The following EPHA10 variants were observed in gnomAD, a reference collection of about 807,000 sequenced individuals.
EPHA10 encodes the protein EPH receptor A10, also known as ephrin type-A receptor 10.
EPHA10 carries 120 observed loss-of-function variants against 109.7 expected under a neutral mutation model. The observed-to-expected ratio is 1.09, with a 90% CI of 0.94 to 1.27. The LOEUF is 1.27. Ranked by LOEUF, EPHA10 falls within the 50% of genes most tolerant of loss-of-function variation. The pLI, the probability that EPHA10 is intolerant of heterozygous loss-of-function variation, is 0.00. For missense variants in EPHA10, 1,396 were observed against 1,411.1 expected, an observed-to-expected ratio of 0.99 and a Z score of 0.17; for synonymous variants, 640 against 618.9, an observed-to-expected ratio of 1.03 and a Z score of -0.51.
chr1:37,740,971 G>A (rs908175797), intron 5 of EPHA10, among the ~76,000 whole-genome samples: 7 of 152,174 alleles, frequency 4.6e-5, no homozygotes, highest in African/African-American at 1.7e-4. Flanking sequence ...AGAGAAGCTT[G>A]ACAAGGAGGA....
At chr1:37,759,795 T>TA (rs34020481) in intron 3 of EPHA10, among the ~76,000 whole-genome samples, 77,376 of 146,410 alleles carry the variant, frequency 0.53, 19,800 homozygotes, top group South Asian at 0.63. Flanking sequence ...CCCCCATTTC[T>TA]AAAAAAAAAA....
At position 37,727,189 on chromosome 1, in the gene EPHA10, T is replaced by C; in HGVS notation, c.1685A>G (p.Gln562Arg). The change falls in exon 8 of 17, where the codon CAG becomes CGG. Residue 562 changes from glutamine to arginine, a missense_variant. By Grantham distance (43) the Gln-to-Arg change is conservative. Coordinates refer to ENST00000373048, the MANE Select transcript of EPHA10 (RefSeq NM_001099439.2). ...TACGGTGACGACAATGGCGGGGCTC[T>C]GGTCCCTGGACCCTGAGGCAGCTGG... ...LGEAASGSRD[Q>R]SPAIVVTVVT... 1 of 1,610,536 alleles carries C rather than the reference T, an allele frequency of 6.2e-7. No individual in the cohort carries two copies. The highest frequency in any genetic ancestry group is 8.5e-7 in the Non-Finnish European group (1 of 1,178,036).
In EPHA10 at chr1:37,735,708, T is replaced by C. The variant is rs149600009; in HGVS notation, c.1358-318A>G. On this transcript the variant is annotated intron_variant, in intron 5 of 16. Transcript: ENST00000373048. ...CTTCTCTCATGGTGGTCGGCTCTAA[T>C]CCTCCAGGCTCTTTCTATACTTGCT... is the stretch of plus-strand genomic sequence containing the variant. 6.0e-3 allele frequency among the ~76,000 whole-genome samples: 913 copies of C among 152,076 alleles called. 9 individuals carry two copies. The highest frequency in any genetic ancestry group is 0.021 in the African/African-American group (856 of 41,486).
chr1:37,741,390 A>C (rs1452953388), intron 5 of EPHA10, among the ~76,000 whole-genome samples: 1 of 152,226 alleles, frequency 6.6e-6, no homozygotes, highest in African/African-American at 2.4e-5. Flanking sequence ...TAATAAAGCA[A>C]GAAAGTGGAA....
rs866553187 is a variant in EPHA10 at position 37,716,728 on chromosome 1, G to C, written c.*1644C>G. 4.3e-6 allele frequency: 1 copy of C among 232,960 alleles called. No individual in the cohort carries two copies. Among genetic ancestry groups the C allele is most frequent in the Non-Finnish European group, 8.5e-6 (1 of 117,936 alleles). The allele number at this position is 232,960 out of a possible 1,614,324, so 14.4% of individuals were successfully genotyped here. A position where few individuals can be genotyped will look rare whatever the true frequency, so the allele number is the denominator to read the frequency against. On this transcript the variant is annotated 3_prime_UTR_variant, in exon 17 of 17. Transcript: ENST00000373048. ...CTCTCTGCATGGACTCCTTTTGTCC[G>C]AGGCCTGCCATCTTGCCTGCCGAAA...
intron 6 of EPHA10, 21 bp downstream of exon 6, chr1:37,735,236 C>G (rs1316348434): frequency 6.4e-7 from 1 of 1,562,520 alleles, no homozygotes; most frequent in African/African-American, 1.4e-5. Flanking sequence ...GGCTCCAGGT[C>G]CCTCCCAGAC....
chr1:37,755,000 A>G lies in EPHA10; in HGVS notation c.851-630T>C, dbSNP rs1646381455. ...TTTTTAGTAGAGATGGAGTTTCACC[A>G]TGCTGACCAGGCTGGTCTCGAACTC... On this transcript the variant is annotated intron_variant, in intron 3 of 16. Transcript: ENST00000373048. The surrounding 1 kb of genome is among the most constrained non-coding windows in gnomAD (Gnocchi z 4.5). 6.6e-6 allele frequency among the ~76,000 whole-genome samples: 1 copy of G among 151,996 alleles called. No individual in the cohort carries two copies. The highest frequency in any genetic ancestry group is 1.5e-5 in the Non-Finnish European group (1 of 67,988).
chr1:37,723,702 G>A (rs572222525), intron 8 of EPHA10, among the ~76,000 whole-genome samples: 81 of 152,344 alleles, frequency 5.3e-4, no homozygotes, highest in Non-Finnish European at 1.3e-4. Context: ...TTGTGAAAGT[G>A]TGAATAAGGC....
intron 5 of EPHA10, among the ~76,000 whole-genome samples, chr1:37,745,057 TAAG>T (rs1646209932): frequency 6.6e-6 from 1 of 152,050 alleles, no homozygotes; most frequent in Admixed American, 6.6e-5. Context: ...CCAGGAAACA[TAAG>T]AAGCTGAAAG....
rs565101630 is a variant in EPHA10 at position 37,764,808 on chromosome 1, T to G, written c.106+153A>C. On this transcript the variant is annotated intron_variant, in intron 1 of 16. Transcript: ENST00000373048. The surrounding 1 kb of genome is among the most constrained non-coding windows in gnomAD (Gnocchi z 5.8). ...CTCTTCGCTACTGCTTGATCACATTTTTCTCTGTCTCTCCAGTTCTTTGCT... is the reference window on the plus strand; with the variant it reads ...CTCTTCGCTACTGCTTGATCACATTGTTCTCTGTCTCTCCAGTTCTTTGCT... Among the ~76,000 whole-genome samples, 4 of 152,016 alleles carry G rather than the reference T, an allele frequency of 2.6e-5. No individual in the cohort carries two copies. The East Asian group carries it at 7.8e-4, about 30-fold the overall frequency.
downstream of EPHA10, chr1:37,715,892 C>A (rs761165909): frequency 7.1e-6 from 4 of 561,392 alleles, no homozygotes; most frequent in Non-Finnish European, 1.4e-5. Flanking sequence ...ATTCTGGACA[C>A]CCCTGTCCTC....
At chr1:37,744,940 T>C (rs1646208218) in intron 5 of EPHA10, among the ~76,000 whole-genome samples, 1 of 152,118 alleles carries the variant, frequency 6.6e-6, no homozygotes. Flanking sequence ...AAGAAGAATT[T>C]GAACACAGAG....
chr1:37,721,626 G>A (rs778004922), intron 11 of EPHA10, 34 bp downstream of exon 11: 2 of 1,574,418 alleles, frequency 1.3e-6, no homozygotes, highest in Non-Finnish European at 1.7e-6. Context: ...CATACCCGTG[G>A]GCTGGGCAGC....
rs150891753 is a variant in EPHA10 at position 37,725,964 on chromosome 1, C to G, written c.1772+1138G>C. Among the ~76,000 whole-genome samples, 68 of 152,326 alleles carry G rather than the reference C, an allele frequency of 4.5e-4. No individual in the cohort carries two copies. The Middle Eastern group carries it at 0.01, about 23-fold the overall frequency. Reference sequence around the variant, plus strand: ...TGCTGGAGGAGAACACCTCTCTACCCCTCCACACTAGACTGGGCTCACTCT... The same window carrying G: ...TGCTGGAGGAGAACACCTCTCTACCGCTCCACACTAGACTGGGCTCACTCT... On this transcript the variant is annotated intron_variant, in intron 8 of 16. Transcript: ENST00000373048.
chr1:37,724,440 G>A (rs1016093637), intron 8 of EPHA10, among the ~76,000 whole-genome samples: 1 of 152,218 alleles, frequency 6.6e-6, no homozygotes, highest in Non-Finnish European at 1.5e-5. Context: ...CATGGCCCAG[G>A]GAGAGGATGG....
At chr1:37,751,062 G>C (rs972080785) in intron 5 of EPHA10, among the ~76,000 whole-genome samples, 1 of 151,584 alleles carries the variant, frequency 6.6e-6, no homozygotes, top group African/African-American at 2.4e-5. Flanking sequence ...AAAATTAGCC[G>C]GGTGTGGCTG....
intron 10 of EPHA10, 85 bp from the exon 11 acceptor site, chr1:37,721,930 T>A: frequency 7.5e-7 from 1 of 1,326,510 alleles, no homozygotes; most frequent in Non-Finnish European, 1.0e-6. Context: ...AAAGTGACTC[T>A]GACCAGCCTG....
chr1:37,754,315 G>A lies in EPHA10; in HGVS notation c.906C>T (p.Cys302=). The A allele has an allele frequency of 1.5e-6, 2 of 1,322,086 alleles. No individual in the cohort carries two copies. Among genetic ancestry groups the A allele is most frequent in the African/African-American group, 3.1e-5 (2 of 65,368 alleles). The allele number at this position is 1,322,086 out of a possible 1,614,324, so 81.9% of individuals were successfully genotyped here. Residue 302 remains cysteine (C), a synonymous_variant, in exon 4 of 17, where the codon TGC becomes TGT. Transcript: ENST00000373048. This position sits in a 1 kb window ranked among gnomAD's most constrained non-coding sequence, Gnocchi z 4.5. ...VSPRRPLCSP[C]PEHSRALENA... The stretch of plus-strand genomic sequence containing the variant: ...TTTCCAGGGCCCGGCTGTGCTCTGG[G>A]CACGGTGAGCAGAGGGGCCGCCGCG...
In EPHA10 at chr1:37,761,675, C is replaced by T. The variant is rs1156274502; in HGVS notation, c.580G>A (p.Asp194Asn). ...ACAAGCGCCACGCATGCGCCCACGT[C>T]CTGAAAGGCCAGGTGGAAACCCCGC... Reference protein sequence around the residue: ...SRRGFHLAFQDVGACVALVSV... With the variant: ...SRRGFHLAFQNVGACVALVSV... The change falls in exon 3 of 17, where the codon GAC becomes AAC. Residue 194 changes from aspartate (D) to asparagine (N), a missense_variant. Asp to Asn is a conservative substitution (Grantham distance 23, BLOSUM62 1). Transcript: ENST00000373048. 5.6e-6 allele frequency: 9 copies of T among 1,611,412 alleles called. No homozygotes were observed. The highest frequency in any genetic ancestry group is 5.9e-6 in the Non-Finnish European group (7 of 1,179,868).
Sources: allele counts gnomAD v4.1 joint callset (sites outside exome capture counted in the v4.1 genomes callset), GRCh38; gene constraint gnomAD v4.1.1; non-coding constraint Gnocchi (gnomAD v3.1); transcripts MANE v1.5; gene names NCBI Gene and HGNC (gene_info 2026-07-23, HGNC 2026-07-21).